TRAPPC3L: variants seen among roughly 807,000 people sequenced by gnomAD.
TRAPPC3L encodes trafficking protein particle complex subunit 3-like protein.
TRAPPC3L carries 23 observed loss-of-function variants against 23.7 expected under a neutral mutation model. The observed-to-expected ratio is 0.97, with a 90% confidence interval of 0.70 to 1.37. The LOEUF is 1.37. Among genes scored for constraint, TRAPPC3L ranks in the 40% most tolerant of loss-of-function variants. The pLI, the probability that TRAPPC3L is intolerant of heterozygous loss-of-function variation, is 0.00. For missense variants in TRAPPC3L, 212 were observed against 216.8 expected, an observed-to-expected ratio of 0.98 and a Z score of 0.14; for synonymous variants, 81 against 77.9, an observed-to-expected ratio of 1.04 and a Z score of -0.21.
Position 116,544,197 on chromosome 6 carries a change from G to A in TRAPPC3L, c.43-797C>T, listed in dbSNP as rs966233212. 3.4e-5 allele frequency among the ~76,000 whole-genome samples: 5 copies of A among 146,690 alleles called. No individual in the cohort carries two copies. The South Asian group carries it at 1.1e-3, about 32-fold the overall frequency. On this transcript the variant is annotated intron_variant, in intron 1 of 4. Coordinates refer to ENST00000368602, the MANE Select transcript of TRAPPC3L (RefSeq NM_001139444.3). Reference sequence around the variant, plus strand: ...AGAGAGAGAGAATGATGAGATTGTTGTGACTAGCAGTAAAACAAAAGAATT... The same window carrying A: ...AGAGAGAGAGAATGATGAGATTGTTATGACTAGCAGTAAAACAAAAGAATT...
chr6:116,511,962 C>T, intron 3 of TRAPPC3L: 1 of 1,613,926 alleles, frequency 6.2e-7, no homozygotes, highest in Non-Finnish European at 8.5e-7. Context: ...AAAATCTTTC[C>T]CAGAGGCCAC....
chr6:116,522,181 T>C (rs1381554467), intron 3 of TRAPPC3L: 1 of 152,224 alleles, frequency 6.6e-6, no homozygotes, highest in Non-Finnish European at 1.5e-5. Context: ...ACAGTGAGAA[T>C]AAAAGGCCCC....
At chr6:116,540,061 T>C (rs1053063070) in intron 3 of TRAPPC3L, among the ~76,000 whole-genome samples, 2 of 152,180 alleles carry the variant, frequency 1.3e-5, no homozygotes, top group East Asian at 1.9e-4. Context: ...GGCATGCATG[T>C]TTTAAGGTTG....
At chr6:116,511,451 G>A (rs1191331043) in intron 3 of TRAPPC3L, among the ~76,000 whole-genome samples, 1 of 152,064 alleles carries the variant, frequency 6.6e-6, no homozygotes, top group Non-Finnish European at 1.5e-5. Context: ...TGGAGCCCGT[G>A]CACTTTGAAT....
chr6:116,541,722 A>C (rs1285891168), intron 2 of TRAPPC3L, among the ~76,000 whole-genome samples: 3 of 152,224 alleles, frequency 2.0e-5, no homozygotes, highest in Admixed American at 2.0e-4. Flanking sequence ...ATCAGGATTA[A>C]AAAATATTTC....
At chr6:116,501,732 G>C (rs1771918793) in intron 3 of TRAPPC3L, among the ~76,000 whole-genome samples, 1 of 152,186 alleles carries the variant, frequency 6.6e-6, no homozygotes, top group Admixed American at 6.5e-5. Context: ...CAGGCAAACA[G>C]AGTCTGGAGT....
In TRAPPC3L at chr6:116,495,635, A is replaced by G. The variant is rs1384216594; in HGVS notation, c.*1319T>C. The G allele has an allele frequency of 6.6e-6, 1 of 152,168 alleles. No homozygotes were observed. The highest frequency in any genetic ancestry group is 1.5e-5 in the Non-Finnish European group (1 of 68,008). The allele number at this position is 152,168 out of a possible 1,614,324, so 9.4% of individuals were successfully genotyped here. A position where few individuals can be genotyped will look rare whatever the true frequency, so the allele number is the denominator to read the frequency against. ...TATACTAATTTACATTCCCACCAAC[A>G]GTGTACCAGAGTTCCCTCTTCTCCA... On this transcript the variant is annotated 3_prime_UTR_variant, in exon 5 of 5. Coordinates refer to ENST00000368602, the MANE Select transcript of TRAPPC3L (RefSeq NM_001139444.3).
chr6:116,530,410 G>GA (rs1772627498), intron 3 of TRAPPC3L, among the ~76,000 whole-genome samples: 1 of 152,180 alleles, frequency 6.6e-6, no homozygotes, highest in South Asian at 2.1e-4. Context: ...AAAAGACTTA[G>GA]AAAAAAGAGT....
rs1326725177 is a variant in TRAPPC3L at position 116,500,550 on chromosome 6, G to T, written c.357C>A (p.Leu119=). 3.2e-6 allele frequency: 5 copies of T among 1,551,614 alleles called. No individual in the cohort carries two copies. In the South Asian group the frequency reaches 5.9e-5, roughly 18 times the overall value. The stretch of plus-strand genomic sequence containing the variant: ...AGCACAGAGAAGATCGCCCAGCAGG[G>T]AGCTCTTCCACAAACTCCACCAGGG... The part of the protein sequence containing the change: ...KNPLVEFVEE[L]PAGRSSLCYC... Residue 119 remains leucine, a synonymous_variant, in exon 4 of 5, where the codon CTC becomes CTA. Transcript: ENST00000368602.
chr6:116,500,579 T>C lies in TRAPPC3L; in HGVS notation c.328A>G (p.Asn110Asp). 1 of 1,551,696 alleles carries C rather than the reference T, an allele frequency of 6.4e-7. No individual in the cohort carries two copies. Among genetic ancestry groups the C allele is most frequent in the East Asian group, 2.4e-5 (1 of 40,922 alleles). Residue 110 changes from asparagine to aspartate, a missense_variant, in exon 4 of 5, where the codon AAT (asparagine) becomes GAT (aspartate). Coordinates refer to ENST00000368602, the MANE Select transcript of TRAPPC3L (RefSeq NM_001139444.3). ...TCTTCCACAAACTCCACCAGGGGAT[T>C]CTTCTCTAGAATCAGGGAAAATTCA... ...KNEFSLILEK[N>D]PLVEFVEELP...
intron 4 of TRAPPC3L, among the ~76,000 whole-genome samples, chr6:116,499,889 G>A (rs185941345): frequency 7.9e-5 from 12 of 152,216 alleles, no homozygotes; most frequent in African/African-American, 2.7e-4. Flanking sequence ...TTGTTCATCT[G>A]TGTATACTCA....
At chr6:116,536,363 T>C (rs935905248) in intron 3 of TRAPPC3L, among the ~76,000 whole-genome samples, 3 of 152,122 alleles carry the variant, frequency 2.0e-5, no homozygotes, top group Non-Finnish European at 2.9e-5. Context: ...TAAAAGACAT[T>C]GTCAGAGGCC....
chr6:116,530,902 C>CATAT (rs10557481), intron 3 of TRAPPC3L, among the ~76,000 whole-genome samples: 1,736 of 76,244 alleles, frequency 0.023, 24 homozygotes, highest in East Asian at 0.039. Context: ...AAGTGAGACT[C>CATAT]ATATATATAT....
chr6:116,497,241 C>T (rs1033708255), intron 4 of TRAPPC3L, 168 bp from the exon 5 acceptor site: 1 of 818,750 alleles, frequency 1.2e-6, no homozygotes, highest in Non-Finnish European at 1.8e-6. Flanking sequence ...GATGGTCCAG[C>T]TGTGTGTCAG....
At chr6:116,506,594 G>C (rs1430450570) in intron 3 of TRAPPC3L, among the ~76,000 whole-genome samples, 4 of 152,138 alleles carry the variant, frequency 2.6e-5, no homozygotes, top group Non-Finnish European at 5.9e-5. Flanking sequence ...ATTCACAATA[G>C]CAAAGACTTG....
chr6:116,521,884 A>G (rs117803031), intron 3 of TRAPPC3L: 1 of 152,312 alleles, frequency 6.6e-6, no homozygotes, highest in Non-Finnish European at 1.5e-5. Context: ...GTTAAGCAGT[A>G]TCACAGTTTA....
chr6:116,509,365 A>G (rs545815709), intron 3 of TRAPPC3L, among the ~76,000 whole-genome samples: 1 of 152,212 alleles, frequency 6.6e-6, no homozygotes, highest in African/African-American at 2.4e-5. Flanking sequence ...ATATGGAACC[A>G]AAAAAAGAGC....
chr6:116,525,228 T>A (rs1772423768), intron 3 of TRAPPC3L, among the ~76,000 whole-genome samples: 1 of 152,212 alleles, frequency 6.6e-6, no homozygotes, highest in Non-Finnish European at 1.5e-5. Flanking sequence ...CAGTGGTGTG[T>A]GAATTCCCAG....
chr6:116,511,204 T>C lies in TRAPPC3L; in HGVS notation c.241-10538A>G, dbSNP rs139378174. On this transcript the variant is annotated intron_variant, in intron 3 of 4. Coordinates refer to ENST00000368602, the MANE Select transcript of TRAPPC3L (RefSeq NM_001139444.3). The stretch of plus-strand genomic sequence containing the variant: ...TATTGATATATATATATATATATAA[T>C]TTTCATATGTTTTTATATATATGAA... Among the ~76,000 whole-genome samples, 675 of 111,712 alleles carry C rather than the reference T, an allele frequency of 6.0e-3. 10 individuals carry two copies. The highest frequency in any genetic ancestry group is 0.02 in the African/African-American group (649 of 32,966). 73.3% of individuals were successfully genotyped at this position (111,712 alleles called of 152,430 possible). A position where few individuals can be genotyped will look rare whatever the true frequency, so the allele number is the denominator to read the frequency against.
Sources: allele counts gnomAD v4.1 joint callset (sites outside exome capture counted in the v4.1 genomes callset), GRCh38; gene constraint gnomAD v4.1.1; transcripts MANE v1.5; gene names NCBI Gene and HGNC (gene_info 2026-07-23, HGNC 2026-07-21).